NTM: variants seen among roughly 807,000 people sequenced by gnomAD.
NTM encodes the protein neurotrimin, also known as IgLON family member 2.
In NTM, 13 loss-of-function variants were observed where a neutral mutation model predicts 42.1. The observed-to-expected ratio is 0.31, with a 90% CI of 0.20 to 0.49. NTM has a LOEUF of 0.49. Among genes scored for constraint, NTM ranks in the 20% least tolerant of loss-of-function variants. The probability of loss-of-function intolerance (pLI) is 0.99; values close to 1 mark genes in which losing one functional copy is unlikely to be tolerated. For synonymous variants in NTM, 187 were observed against 179.2 expected, an observed-to-expected ratio of 1.04 and a Z score of -0.35; for missense variants, 373 against 452.8, an observed-to-expected ratio of 0.82 and a Z score of 1.60.
At chr11:132,328,486 G>T (rs1044273568) in intron 7 of NTM, among the ~76,000 whole-genome samples, 6 of 139,390 alleles carry the variant, frequency 4.3e-5, no homozygotes, top group Non-Finnish European at 7.4e-5. Context: ...AGGTTTTTTT[G>T]GGGGGGTCTT....
intron 2 of NTM, among the ~76,000 whole-genome samples, chr11:132,015,854 C>T (rs551090032): frequency 9.9e-5 from 15 of 151,888 alleles, no homozygotes; most frequent in Non-Finnish European, 1.9e-4. Context: ...AAGATCATAT[C>T]GTTTGCAAAG....
At chr11:132,220,191 G>A (rs1326556820) in intron 4 of NTM, among the ~76,000 whole-genome samples, 1 of 152,158 alleles carries the variant, frequency 6.6e-6, no homozygotes, top group African/African-American at 2.4e-5. Context: ...CAGAAAAAAA[G>A]GGATTAATTG....
At chr11:131,419,717 T>C (rs1214294048) in intron 1 of NTM, among the ~76,000 whole-genome samples, 1 of 152,090 alleles carries the variant, frequency 6.6e-6, no homozygotes, top group Non-Finnish European at 1.5e-5. Context: ...TTAAGTGCAA[T>C]GGCAAGACAT....
At chr11:132,205,037 A>G (rs1169950361) in intron 3 of NTM, among the ~76,000 whole-genome samples, 1 of 152,224 alleles carries the variant, frequency 6.6e-6, no homozygotes, top group Non-Finnish European at 1.5e-5. Flanking sequence ...AGAGCACTCC[A>G]GATTTGTCCC....
chr11:131,424,493 G>C (rs1447145097), intron 1 of NTM, among the ~76,000 whole-genome samples: 1 of 152,030 alleles, frequency 6.6e-6, no homozygotes, highest in East Asian at 1.9e-4. Context: ...TAAATGCCTG[G>C]AGGATCTGAT....
chr11:131,852,897 CCCACCCATCCATCCATCCAT>C (rs2045720621), intron 1 of NTM, among the ~76,000 whole-genome samples: 1 of 147,008 alleles, frequency 6.8e-6, no homozygotes, highest in African/African-American at 2.6e-5. Flanking sequence ...CATCCATCCA[CCCACCCATCCATCCATCCAT>C]CCACCCACCC....
At chr11:131,996,434 C>T (rs1185372705) in intron 2 of NTM, among the ~76,000 whole-genome samples, 3 of 152,234 alleles carry the variant, frequency 2.0e-5, no homozygotes, top group East Asian at 1.9e-4. Context: ...TCTTTTATAT[C>T]GCCTGCCACT....
At chr11:131,447,935 T>G (rs1950187001) in intron 1 of NTM, among the ~76,000 whole-genome samples, 1 of 152,218 alleles carries the variant, frequency 6.6e-6, no homozygotes, top group African/African-American at 2.4e-5. Flanking sequence ...CTTGTACTTC[T>G]GCGTCTTGGG....
intron 2 of NTM, among the ~76,000 whole-genome samples, chr11:132,050,197 G>A (rs754042092): frequency 6.6e-6 from 1 of 152,266 alleles, no homozygotes; most frequent in Non-Finnish European, 1.5e-5. Context: ...TCTCTTTCTC[G>A]TATTGCTATG....
chr11:131,517,078 A>G (rs2048986861), intron 1 of NTM, among the ~76,000 whole-genome samples: 2 of 152,212 alleles, frequency 1.3e-5, no homozygotes, highest in Admixed American at 1.3e-4. Context: ...AGTCTTTCCC[A>G]GTTTTGCAGC....
At position 131,967,002 on chromosome 11, in the gene NTM, C is replaced by A. The variant is rs78910523; in HGVS notation, c.167+55354C>A. The stretch of plus-strand genomic sequence containing the variant: ...GTGAGGGAAAGAGAGGTGTCAAGAG[C>A]AATTCCAGGGCTTCTGGCCAAGTTG... On this transcript the variant is annotated intron_variant, in intron 2 of 8. Coordinates refer to ENST00000683400, the MANE Select transcript of NTM (RefSeq NM_001352005.2). 8.7e-3 allele frequency among the ~76,000 whole-genome samples: 1,329 copies of A among 152,212 alleles called. 11 individuals carry two copies. Among genetic ancestry groups the A allele is most frequent in the Non-Finnish European group, 0.013 (888 of 67,996 alleles).
At chr11:131,689,822 A>G (rs2074424403) in intron 1 of NTM, among the ~76,000 whole-genome samples, 1 of 151,688 alleles carries the variant, frequency 6.6e-6, no homozygotes, top group South Asian at 2.1e-4. Context: ...ACCTCCTCCC[A>G]CTCTTGCCAC....
chr11:132,009,216 C>T (rs472125), intron 2 of NTM, among the ~76,000 whole-genome samples: 10,342 of 152,242 alleles, frequency 0.068, 469 homozygotes, highest in East Asian at 0.14. Flanking sequence ...CCCTGAAATA[C>T]GCCTGTGCCT....
intron 1 of NTM, among the ~76,000 whole-genome samples, chr11:131,701,638 A>G (rs1294388656): frequency 1.3e-5 from 2 of 152,194 alleles, no homozygotes; most frequent in Non-Finnish European, 2.9e-5. Context: ...ATTTCTGGAA[A>G]AGTATATTCC....
At chr11:132,044,124 G>A (rs77282556) in intron 2 of NTM, among the ~76,000 whole-genome samples, 6 of 45,720 alleles carry the variant, frequency 1.3e-4, no homozygotes, top group African/African-American at 9.9e-4. Context: ...GTATGTGTGT[G>A]TATATATGTG....
At chr11:131,631,150 G>T (rs2063615382) in intron 1 of NTM, among the ~76,000 whole-genome samples, 1 of 152,084 alleles carries the variant, frequency 6.6e-6, no homozygotes, top group African/African-American at 2.4e-5. Flanking sequence ...CTAACAATTT[G>T]GTTACTCTCC....
intron 3 of NTM, among the ~76,000 whole-genome samples, chr11:132,185,646 A>G (rs1315583000): frequency 6.6e-6 from 1 of 152,200 alleles, no homozygotes; most frequent in Non-Finnish European, 1.5e-5. Context: ...AAATCTCTCC[A>G]TTAATAAAGA....
At chr11:131,899,975 T>C (rs2052893907) in intron 1 of NTM, among the ~76,000 whole-genome samples, 1 of 152,240 alleles carries the variant, frequency 6.6e-6, no homozygotes, top group Non-Finnish European at 1.5e-5. Flanking sequence ...CAAATATTTA[T>C]CAAAACCAAT....
At chr11:131,506,569 TG>T (rs1256149860) in intron 1 of NTM, among the ~76,000 whole-genome samples, 2 of 152,138 alleles carry the variant, frequency 1.3e-5, no homozygotes, top group African/African-American at 4.8e-5. Flanking sequence ...GCTGGCAGCC[TG>T]GGGGGCCCTC....
Sources: allele counts gnomAD v4.1 joint callset (sites outside exome capture counted in the v4.1 genomes callset), GRCh38; gene constraint gnomAD v4.1.1; transcripts MANE v1.5; gene names NCBI Gene and HGNC (gene_info 2026-07-23, HGNC 2026-07-21).